SPOCK1: variants seen among roughly 807,000 people sequenced by gnomAD.
SPOCK1 encodes the protein SPARC (osteonectin), cwcv and kazal like domains proteoglycan 1, also known as testican-1.
Under a neutral mutation model 55.3 loss-of-function variants are expected in SPOCK1, and 23 were observed. The observed-to-expected ratio is 0.42, with a 90% CI of 0.30 to 0.59. The LOEUF is 0.59. Among genes scored for constraint, SPOCK1 ranks in the 20% least tolerant of loss-of-function variants. The pLI, the probability that SPOCK1 is intolerant of heterozygous loss-of-function variation, is 0.22. For synonymous variants in SPOCK1, 226 were observed against 221.0 expected (o/e 1.02, Z -0.20); for missense variants, 499 against 552.5 (o/e 0.90, Z 0.97).
chr5:137,245,776 C>CAAAAAAAAAAAAAA (rs143599362), intron 3 of SPOCK1, among the ~76,000 whole-genome samples: 1 of 140,868 alleles, frequency 7.1e-6, no homozygotes, highest in Non-Finnish European at 1.6e-5. Context: ...CAAAACAAAA[C>CAAAAAAAAAAAAAA]AAAAAAAAAA....
At chr5:137,178,545 T>A (rs1374050383) in intron 3 of SPOCK1, among the ~76,000 whole-genome samples, 1 of 152,228 alleles carries the variant, frequency 6.6e-6, no homozygotes, top group African/African-American at 2.4e-5. Context: ...ACATTTCACA[T>A]GACTGAATAC....
In SPOCK1 at chr5:137,498,266, C is replaced by CCACACACA. The variant is rs544933594; in HGVS notation, c.186+99_186+106dup. On this transcript the variant is annotated intron_variant, in intron 2 of 10. Transcript: ENST00000394945. ...AGATGCCCACCTGTCCCCCTCCCAA[C>CCACACACA]CACACACACACACACACACACACAC... 842 of 796,366 alleles carry CCACACACA rather than the reference C, an allele frequency of 1.1e-3. 3 individuals are homozygous for CCACACACA. Among genetic ancestry groups the CCACACACA allele is most frequent in the African/African-American group, 8.6e-3 (443 of 51,624 alleles). 49.3% of individuals were successfully genotyped at this position (796,366 alleles called of 1,614,324 possible).
intron 2 of SPOCK1, among the ~76,000 whole-genome samples, chr5:137,362,388 G>C (rs1750969288): frequency 2.0e-5 from 3 of 149,000 alleles, no homozygotes; most frequent in Non-Finnish European, 3.0e-5. Flanking sequence ...GGAGTGCAGT[G>C]GCATGATCTC....
chr5:137,017,520 T>G (rs535460517), intron 6 of SPOCK1, among the ~76,000 whole-genome samples: 1 of 152,326 alleles, frequency 6.6e-6, no homozygotes, highest in Non-Finnish European at 1.5e-5. Flanking sequence ...AACTATAATA[T>G]TGCAAGATTC....
intron 6 of SPOCK1, among the ~76,000 whole-genome samples, chr5:137,007,047 TC>T (rs1420759356): frequency 6.6e-6 from 1 of 152,126 alleles, no homozygotes; most frequent in Admixed American, 6.6e-5. Context: ...GGGAAAGGAT[TC>T]CCTATTTAAT....
intron 4 of SPOCK1, among the ~76,000 whole-genome samples, chr5:137,120,691 A>G (rs780073307): frequency 2.0e-5 from 3 of 152,234 alleles, no homozygotes; most frequent in Non-Finnish European, 4.4e-5. Context: ...TTGTTACTCT[A>G]TATGCCTTTC....
At chr5:137,463,317 C>CT (rs1400860792) in intron 2 of SPOCK1, among the ~76,000 whole-genome samples, 1 of 152,162 alleles carries the variant, frequency 6.6e-6, no homozygotes, top group African/African-American at 2.4e-5. Context: ...CAATGGAGTC[C>CT]TATTCAGCCA....
intron 5 of SPOCK1, among the ~76,000 whole-genome samples, chr5:137,084,867 G>A (rs778355033): frequency 2.6e-5 from 4 of 151,270 alleles, no homozygotes; most frequent in Admixed American, 6.6e-5. Context: ...GCTTTTCCTC[G>A]GGGTCCTTAC....
At chr5:137,441,595 G>A (rs2149832232) in intron 2 of SPOCK1, among the ~76,000 whole-genome samples, 1 of 152,294 alleles carries the variant, frequency 6.6e-6, no homozygotes, top group Admixed American at 6.5e-5. Context: ...GTGGCTGATG[G>A]CAGAGCTTTG....
chr5:137,139,040 G>A (rs1754044512), intron 4 of SPOCK1, among the ~76,000 whole-genome samples: 1 of 152,180 alleles, frequency 6.6e-6, no homozygotes, highest in Non-Finnish European at 1.5e-5. Flanking sequence ...TTTACAAAAT[G>A]GCTGAAAGAA....
chr5:137,081,505 T>G lies in SPOCK1; in HGVS notation c.475-13676A>C, dbSNP rs144831851. ...GACATAAGACACCCATCACCAACCA[T>G]TCAGCCTGCTTTACTTCTGCACTTC... On this transcript the variant is annotated intron_variant, in intron 5 of 10. Coordinates refer to ENST00000394945, the MANE Select transcript of SPOCK1 (RefSeq NM_004598.4). Among the ~76,000 whole-genome samples, 3 of 152,312 alleles carry G rather than the reference T, an allele frequency of 2.0e-5. No individual in the cohort carries two copies. The East Asian group carries it at 5.8e-4, about 29-fold the overall frequency.
In SPOCK1 at chr5:137,396,075, T is replaced by G. The variant is rs550139574; in HGVS notation, c.186+102298A>C. Among the ~76,000 whole-genome samples, 8 of 152,350 alleles carry G rather than the reference T, an allele frequency of 5.3e-5. No homozygotes were observed. In the South Asian group the frequency reaches 1.7e-3, roughly 32 times the overall value. ...GAAGGACTGCCTCAGTTGAGGCTCT[T>G]GGGTTCCACTATCTAGAGACAGATG... is the stretch of plus-strand genomic sequence containing the variant. On this transcript the variant is annotated intron_variant, in intron 2 of 10. Transcript: ENST00000394945.
chr5:137,193,160 A>AT (rs1755218641), intron 3 of SPOCK1, among the ~76,000 whole-genome samples: 1 of 152,184 alleles, frequency 6.6e-6, no homozygotes, highest in African/African-American at 2.4e-5. Flanking sequence ...AAGTATACCA[A>AT]TTAGGAGACT....
At chr5:137,462,985 C>A (rs1258205164) in intron 2 of SPOCK1, among the ~76,000 whole-genome samples, 2 of 152,130 alleles carry the variant, frequency 1.3e-5, no homozygotes, top group South Asian at 4.1e-4. Context: ...AAGAGATGAG[C>A]AGGAGCCAAA....
intron 2 of SPOCK1, among the ~76,000 whole-genome samples, chr5:137,496,093 G>T (rs1226867031): frequency 1.3e-5 from 2 of 151,996 alleles, no homozygotes; most frequent in Non-Finnish European, 2.9e-5. Flanking sequence ...TTATGTCTTG[G>T]ACATTTTTAT....
rs1755713431 is a variant in SPOCK1 at position 137,216,229 on chromosome 5, T to A, written c.232+50781A>T. 2.6e-5 allele frequency among the ~76,000 whole-genome samples: 4 copies of A among 152,080 alleles called. No individual in the cohort carries two copies. In the South Asian group the frequency reaches 8.3e-4, roughly 32 times the overall value. ...GCTGTCTTGAGGAGGGGTCTCAAGATAATCAAATGAGATGCTTGTATATGG... is the reference window on the plus strand; with the variant it reads ...GCTGTCTTGAGGAGGGGTCTCAAGAAAATCAAATGAGATGCTTGTATATGG... On this transcript the variant is annotated intron_variant, in intron 3 of 10. Transcript: ENST00000394945.
chr5:137,023,526 A>T (rs1055994611), intron 6 of SPOCK1, among the ~76,000 whole-genome samples: 2 of 152,198 alleles, frequency 1.3e-5, no homozygotes, highest in African/African-American at 4.8e-5. Context: ...TAAAATCTGA[A>T]ACACATAAAA....
intron 2 of SPOCK1, among the ~76,000 whole-genome samples, chr5:137,303,770 G>A (rs758023084): frequency 6.6e-6 from 1 of 152,214 alleles, no homozygotes; most frequent in African/African-American, 2.4e-5. Context: ...CAAAGGCCTG[G>A]AGACCAGGCT....
chr5:137,485,085 A>G (rs1006741480), intron 2 of SPOCK1, among the ~76,000 whole-genome samples: 1 of 152,222 alleles, frequency 6.6e-6, no homozygotes, highest in African/African-American at 2.4e-5. Flanking sequence ...TTTGGAGGGA[A>G]TAATTTATTT....
Sources: allele counts gnomAD v4.1 joint callset (sites outside exome capture counted in the v4.1 genomes callset), GRCh38; gene constraint gnomAD v4.1.1; transcripts MANE v1.5; gene names NCBI Gene and HGNC (gene_info 2026-07-23, HGNC 2026-07-21).